OPCML: variants seen among roughly 807,000 people sequenced by gnomAD.
OPCML encodes the protein opioid-binding protein/cell adhesion molecule.
In OPCML, 13 loss-of-function variants were observed where a neutral mutation model predicts 37.8. The ratio of observed to expected loss-of-function variants is 0.34; its 90% CI spans 0.22 to 0.55. The LOEUF (loss-of-function observed/expected upper bound fraction) is 0.55. Among genes scored for constraint, OPCML ranks in the 20% least tolerant of loss-of-function variants. The pLI, the probability that OPCML is intolerant of heterozygous loss-of-function variation, is 0.91. For synonymous variants in OPCML, 176 were observed against 168.8 expected (o/e 1.04, Z -0.33); for missense variants, 341 against 435.6 (o/e 0.78, Z 1.93).
At chr11:132,827,969 T>G (rs1297539994) in intron 2 of OPCML, among the ~76,000 whole-genome samples, 1 of 152,114 alleles carries the variant, frequency 6.6e-6, no homozygotes, top group Non-Finnish European at 1.5e-5. Flanking sequence ...CATTTATAAT[T>G]GCCCAAACTC....
intron 1 of OPCML, among the ~76,000 whole-genome samples, chr11:132,979,825 T>C (rs1042064494): frequency 1.3e-5 from 2 of 151,980 alleles, no homozygotes; most frequent in Non-Finnish European, 1.5e-5. Context: ...TGTAAGAGAC[T>C]GAGAAGGAAG....
In OPCML at chr11:133,206,908, A is replaced by C. The variant is rs908747200; in HGVS notation, c.62-263898T>G. On this transcript the variant is annotated intron_variant, in intron 1 of 7. Transcript: ENST00000524381. The surrounding 1 kb of genome is among the most constrained non-coding windows in gnomAD (Gnocchi z 4.7). Reference sequence around the variant, plus strand: ...TGGAGGGAGCCTGGGATCACCAATGACTGAGAAGCGAGGCCCGGATCACGT... The same window carrying C: ...TGGAGGGAGCCTGGGATCACCAATGCCTGAGAAGCGAGGCCCGGATCACGT... Among the ~76,000 whole-genome samples, 4 of 152,108 alleles carry C rather than the reference A, an allele frequency of 2.6e-5. No individual in the cohort carries two copies. Among genetic ancestry groups the C allele is most frequent in the African/African-American group, 9.7e-5 (4 of 41,412 alleles).
intron 3 of OPCML, among the ~76,000 whole-genome samples, chr11:132,607,616 TCA>T (rs1412459981): frequency 2.0e-5 from 3 of 152,298 alleles, no homozygotes; most frequent in African/African-American, 7.2e-5. Flanking sequence ...TGAGGACATA[TCA>T]CACAGTGGCT....
At chr11:132,622,469 T>C (rs1351707837) in intron 3 of OPCML, among the ~76,000 whole-genome samples, 1 of 152,058 alleles carries the variant, frequency 6.6e-6, no homozygotes, top group South Asian at 2.1e-4. Context: ...AGAGGTGAAA[T>C]GGCAGAGAGA....
chr11:132,468,220 C>G (rs1325791711), intron 4 of OPCML, among the ~76,000 whole-genome samples: 3 of 152,154 alleles, frequency 2.0e-5, no homozygotes, highest in Non-Finnish European at 4.4e-5. Flanking sequence ...GCTTTCCTAT[C>G]ATTAGAAACA....
At chr11:132,566,724 G>A (rs2096424062) in intron 3 of OPCML, among the ~76,000 whole-genome samples, 1 of 152,160 alleles carries the variant, frequency 6.6e-6, no homozygotes, top group African/African-American at 2.4e-5. Context: ...TGTCTTCACA[G>A]AGTTTGAAAA....
intron 1 of OPCML, among the ~76,000 whole-genome samples, chr11:133,321,072 T>C (rs1458743864): frequency 6.6e-6 from 1 of 152,114 alleles, no homozygotes; most frequent in Non-Finnish European, 1.5e-5. Context: ...GGATAGGGCA[T>C]GTATCTGAAG....
At chr11:133,264,821 C>T (rs926977013) in intron 1 of OPCML, among the ~76,000 whole-genome samples, 4 of 151,802 alleles carry the variant, frequency 2.6e-5, no homozygotes, top group Admixed American at 6.6e-5. Flanking sequence ...CATAATTAAT[C>T]ATAAATAGGG....
intron 1 of OPCML, among the ~76,000 whole-genome samples, chr11:133,134,207 C>T (rs972588921): frequency 8.5e-5 from 13 of 152,100 alleles, no homozygotes; most frequent in African/African-American, 3.1e-4. Context: ...TAAGACATTC[C>T]CAGGCCTTCC....
intron 3 of OPCML, among the ~76,000 whole-genome samples, chr11:132,537,212 C>A (rs766039006): frequency 1.3e-5 from 2 of 152,032 alleles, no homozygotes; most frequent in Non-Finnish European, 2.9e-5. Context: ...AAAATATGCA[C>A]AATTAAAAAT....
intron 1 of OPCML, among the ~76,000 whole-genome samples, chr11:133,226,362 G>A (rs368964738): frequency 3.3e-5 from 5 of 152,216 alleles, no homozygotes; most frequent in African/African-American, 9.6e-5. Context: ...GGTTAGGGGT[G>A]TTCCACTCCA....
chr11:132,965,511 T>C (rs1463814158), intron 1 of OPCML, among the ~76,000 whole-genome samples: 4 of 151,846 alleles, frequency 2.6e-5, no homozygotes, highest in East Asian at 3.9e-4. Context: ...TTTTTGTCGT[T>C]GTTGTTGTTG....
intron 4 of OPCML, among the ~76,000 whole-genome samples, chr11:132,500,761 G>A (rs916724614): frequency 1.3e-5 from 2 of 151,958 alleles, no homozygotes; most frequent in African/African-American, 4.8e-5. Flanking sequence ...GTGTCCACGT[G>A]TTCTCATTGT....
chr11:132,657,314 G>T lies in OPCML; in HGVS notation c.152C>A (p.Thr51Asn). ...RQGESATLRCTIDDRVTRVAW... is the reference protein window; with the variant it reads ...RQGESATLRCNIDDRVTRVAW... Reference sequence around the variant, plus strand: ...CACCCGGGTTACCCGGTCATCTATGGTACACCTGCAGTGAGGCAGGGAGTG... The same window carrying T: ...CACCCGGGTTACCCGGTCATCTATGTTACACCTGCAGTGAGGCAGGGAGTG... The change falls in exon 3 of 8, where the codon ACC (threonine) becomes AAC (asparagine). Residue 51 changes from threonine to asparagine, a missense_variant. Coordinates refer to ENST00000524381, the MANE Select transcript of OPCML (RefSeq NM_001012393.5). 1 of 1,614,188 alleles carries T rather than the reference G, an allele frequency of 6.2e-7. No homozygotes were observed. Among genetic ancestry groups the T allele is most frequent in the African/African-American group, 1.3e-5 (1 of 75,056 alleles).
chr11:133,129,745 T>C (rs1272667106), intron 1 of OPCML, among the ~76,000 whole-genome samples: 9 of 151,750 alleles, frequency 5.9e-5, no homozygotes, highest in Non-Finnish European at 1.2e-4. Flanking sequence ...TCTACAACAA[T>C]AATAATAATA....
intron 1 of OPCML, among the ~76,000 whole-genome samples, chr11:132,980,690 G>A (rs931918889): frequency 1.4e-4 from 22 of 152,052 alleles, no homozygotes; most frequent in Admixed American, 5.9e-4. Flanking sequence ...GGTGGTTTCC[G>A]GGCCATCTCT....
At chr11:132,912,687 A>G (rs901411834) in intron 2 of OPCML, among the ~76,000 whole-genome samples, 2 of 152,202 alleles carry the variant, frequency 1.3e-5, no homozygotes, top group Non-Finnish European at 2.9e-5. Flanking sequence ...CATCTCTTGT[A>G]TCAACTATTT....
chr11:132,999,563 TGGG>T (rs1335104774), intron 1 of OPCML, among the ~76,000 whole-genome samples: 1 of 128,524 alleles, frequency 7.8e-6, no homozygotes, highest in African/African-American at 3.5e-5. Context: ...AAGTGACAAA[TGGG>T]GTCGGGGGGG....
At chr11:132,975,521 G>A (rs1275758467) in intron 1 of OPCML, among the ~76,000 whole-genome samples, 1 of 75,494 alleles carries the variant, frequency 1.3e-5, no homozygotes, top group Non-Finnish European at 2.3e-5. Context: ...TCCCATCCAG[G>A]TTTCAAGCAA....
Sources: allele counts gnomAD v4.1 joint callset (sites outside exome capture counted in the v4.1 genomes callset), GRCh38; gene constraint gnomAD v4.1.1; non-coding constraint Gnocchi (gnomAD v3.1); transcripts MANE v1.5; gene names NCBI Gene and HGNC (gene_info 2026-07-23, HGNC 2026-07-21).